KCNC2: variants seen among roughly 807,000 people sequenced by gnomAD.
KCNC2 encodes potassium voltage-gated channel subfamily C member 2.
Under a neutral mutation model 44.5 loss-of-function variants are expected in KCNC2, and 21 were observed. The ratio of observed to expected loss-of-function variants is 0.47; its 90% CI spans 0.33 to 0.68. The LOEUF (loss-of-function observed/expected upper bound fraction) is 0.68. Among genes scored for constraint, KCNC2 ranks in the 30% least tolerant of loss-of-function variants. KCNC2 has a pLI of 0.01. For missense variants in KCNC2, 589 were observed against 826.2 expected, an observed-to-expected ratio of 0.71 and a Z score of 3.52; for synonymous variants, 391 against 339.1, an observed-to-expected ratio of 1.15 and a Z score of -1.68.
intron 2 of KCNC2, among the ~76,000 whole-genome samples, chr12:75,199,906 T>C (rs1011197506): frequency 3.3e-5 from 5 of 151,766 alleles, no homozygotes; most frequent in African/African-American, 1.2e-4. Context: ...GCTTGGGAGG[T>C]AAGCTCCTGC....
At chr12:75,197,972 CACTA>C (rs2030920661) in intron 2 of KCNC2, among the ~76,000 whole-genome samples, 1 of 151,810 alleles carries the variant, frequency 6.6e-6, no homozygotes, top group Admixed American at 6.6e-5. Flanking sequence ...TTAAAACACT[CACTA>C]AATTAAAAAA....
intron 2 of KCNC2, among the ~76,000 whole-genome samples, chr12:75,054,125 C>G (rs1295568047): frequency 1.3e-5 from 2 of 151,518 alleles, no homozygotes; most frequent in African/African-American, 4.8e-5. Flanking sequence ...TTCCCAAGTA[C>G]TGAGGCAGGA....
At chr12:75,188,043 A>G (rs920179521) in intron 2 of KCNC2, among the ~76,000 whole-genome samples, 1 of 152,228 alleles carries the variant, frequency 6.6e-6, no homozygotes, top group Non-Finnish European at 1.5e-5. Context: ...GGTAATTTGA[A>G]GTATGTTGGT....
At chr12:75,189,446 A>G (rs1593062051) in intron 2 of KCNC2, among the ~76,000 whole-genome samples, 1 of 152,300 alleles carries the variant, frequency 6.6e-6, no homozygotes, top group East Asian at 1.9e-4. Flanking sequence ...TGTAAGTTGA[A>G]GCAGTAGAAG....
At chr12:75,198,018 A>G (rs1448443222) in intron 2 of KCNC2, among the ~76,000 whole-genome samples, 3 of 151,988 alleles carry the variant, frequency 2.0e-5, no homozygotes, top group Non-Finnish European at 4.4e-5. Flanking sequence ...ACATACTACA[A>G]TTAAGAATTA....
chr12:75,206,976 G>A (rs2031735603), intron 2 of KCNC2, among the ~76,000 whole-genome samples: 1 of 152,208 alleles, frequency 6.6e-6, no homozygotes, highest in Admixed American at 6.5e-5. Context: ...AGAAACTCGA[G>A]ATGAATCCTC....
intron 2 of KCNC2, among the ~76,000 whole-genome samples, chr12:75,053,435 CA>C (rs1212242041): frequency 3.3e-5 from 5 of 151,940 alleles, no homozygotes; most frequent in Admixed American, 1.3e-4. Context: ...GGTTTCTATG[CA>C]AATACTTGTG....
At chr12:75,197,019 G>A (rs556059212) in intron 2 of KCNC2, among the ~76,000 whole-genome samples, 25 of 152,102 alleles carry the variant, frequency 1.6e-4, no homozygotes, top group African/African-American at 5.8e-4. Context: ...AGCCAACTGT[G>A]CTCAAAGTGC....
At chr12:75,084,994 G>GTA in intron 2 of KCNC2, among the ~76,000 whole-genome samples, 1 of 146,988 alleles carries the variant, frequency 6.8e-6, no homozygotes, top group Middle Eastern at 3.5e-3. Flanking sequence ...ATGCAAATCA[G>GTA]TAAAGGACTT....
chr12:75,060,003 T>A (rs1882147662), intron 2 of KCNC2, among the ~76,000 whole-genome samples: 1 of 152,070 alleles, frequency 6.6e-6, no homozygotes, highest in Non-Finnish European at 1.5e-5. Context: ...TAATAGTAAT[T>A]CCGAAATACA....
At chr12:75,112,250 C>A (rs994034476) in intron 2 of KCNC2, among the ~76,000 whole-genome samples, 1 of 151,932 alleles carries the variant, frequency 6.6e-6, no homozygotes. Flanking sequence ...ACAAATTATT[C>A]TCCAACTATT....
intron 2 of KCNC2, among the ~76,000 whole-genome samples, chr12:75,092,201 A>G (rs536306341): frequency 6.6e-6 from 1 of 151,744 alleles, no homozygotes; most frequent in Non-Finnish European, 1.5e-5. Flanking sequence ...TGCACTTAAG[A>G]ACAAAGTAAA....
At chr12:75,175,850 G>C (rs1363289107) in intron 2 of KCNC2, among the ~76,000 whole-genome samples, 14 of 151,996 alleles carry the variant, frequency 9.2e-5, no homozygotes, top group African/African-American at 2.7e-4. Flanking sequence ...TTAAGAACAG[G>C]GTTGCCAGGT....
chr12:75,089,684 A>G (rs1403588631), intron 2 of KCNC2, among the ~76,000 whole-genome samples: 1 of 151,876 alleles, frequency 6.6e-6, no homozygotes, highest in Admixed American at 6.6e-5. Context: ...TGCAAATGGA[A>G]TTATGGTCTC....
At chr12:75,068,322 C>T (rs576521604) in intron 2 of KCNC2, among the ~76,000 whole-genome samples, 33 of 152,174 alleles carry the variant, frequency 2.2e-4, no homozygotes, top group African/African-American at 5.5e-4. Flanking sequence ...TTTAATGAGA[C>T]GAAAGGACTT....
intron 2 of KCNC2, among the ~76,000 whole-genome samples, chr12:75,200,757 A>T (rs1381595609): frequency 6.6e-6 from 1 of 151,780 alleles, no homozygotes; most frequent in African/African-American, 2.4e-5. Flanking sequence ...TATGAACAAA[A>T]TATAATTTTA....
intron 2 of KCNC2, among the ~76,000 whole-genome samples, chr12:75,077,696 A>G (rs1476237416): frequency 2.7e-5 from 4 of 150,682 alleles, no homozygotes; most frequent in African/African-American, 1.0e-4. Flanking sequence ...AGACCTAAGC[A>G]ATGTAGGACC....
intron 2 of KCNC2, among the ~76,000 whole-genome samples, chr12:75,093,124 T>G (rs918760049): frequency 6.6e-6 from 1 of 151,498 alleles, no homozygotes. Flanking sequence ...TATTGAAATT[T>G]TTTAATCAAT....
chr12:75,155,509 A>C (rs1890695270), intron 2 of KCNC2, among the ~76,000 whole-genome samples: 1 of 151,828 alleles, frequency 6.6e-6, no homozygotes, highest in African/African-American at 2.4e-5. Context: ...TCAACCAATT[A>C]ATGCATATTT....
Sources: gnomAD v4.1 joint callset for allele counts (sites outside exome capture counted in the v4.1 genomes callset) on GRCh38, gnomAD v4.1.1 for gene constraint, MANE v1.5 for transcripts, NCBI Gene and HGNC (gene_info 2026-07-23, HGNC 2026-07-21) for gene names.